The following IQGAP1 variants were observed in gnomAD, a reference collection of about 807,000 sequenced individuals.
The protein encoded by IQGAP1 is ras GTPase-activating-like protein IQGAP1.
A neutral mutation model predicts 215.6 loss-of-function variants in IQGAP1; 66 were observed. The ratio of observed to expected loss-of-function variants is 0.31; its 90% CI spans 0.25 to 0.38. IQGAP1 has a LOEUF of 0.38. Ranked by LOEUF, IQGAP1 falls within the 10% of genes least tolerant of loss-of-function variation. IQGAP1 has a pLI of 1.00. For missense variants in IQGAP1, 1,712 were observed against 1,997.1 expected, an observed-to-expected ratio of 0.86 and a Z score of 2.72; for synonymous variants, 772 against 728.7, an observed-to-expected ratio of 1.06 and a Z score of -0.96.
chr15:90,419,786 C>A (rs1412376931), intron 2 of IQGAP1, among the ~76,000 whole-genome samples: 2 of 152,036 alleles, frequency 1.3e-5, no homozygotes, highest in African/African-American at 4.8e-5. Context: ...TATTCTGAGG[C>A]TTTGTGGTTA....
At position 90,477,147 on chromosome 15, in the gene IQGAP1, C is replaced by T. The variant is rs200559292; in HGVS notation, c.3021C>T (p.Phe1007=). 343 of 1,614,000 alleles carry T rather than the reference C, an allele frequency of 2.1e-4. No individual in the cohort carries two copies. The highest frequency in any genetic ancestry group is 2.8e-4 in the Non-Finnish European group (328 of 1,179,904). Reference sequence around the variant, plus strand: ...CCAAGTTCATGGACTCTGTAATCTTCACACTCTACAACTACGCGTCCAACC... The same window carrying T: ...CCAAGTTCATGGACTCTGTAATCTTTACACTCTACAACTACGCGTCCAACC... ...KSTKFMDSVI[F]TLYNYASNQR... is the part of the protein sequence containing the mutation. Residue 1007 remains phenylalanine, a synonymous_variant, in exon 25 of 38, where the codon TTC becomes TTT. Transcript: ENST00000268182.
At chr15:90,491,267 C>G (rs1966199733) in intron 33 of IQGAP1, 66 bp from the exon 34 acceptor site, 2 of 1,323,174 alleles carry the variant, frequency 1.5e-6, no homozygotes, top group Non-Finnish European at 2.2e-6. Context: ...TGCAAATGTG[C>G]TATATAAATT....
chr15:90,421,850 G>C (rs149795606), intron 2 of IQGAP1, among the ~76,000 whole-genome samples: 1 of 152,072 alleles, frequency 6.6e-6, no homozygotes, highest in African/African-American at 2.4e-5. Context: ...TTGTAGAGAC[G>C]GGGTCTCACC....
At chr15:90,395,661 C>T (rs1229543470) in intron 2 of IQGAP1, among the ~76,000 whole-genome samples, 1 of 152,212 alleles carries the variant, frequency 6.6e-6, no homozygotes, top group Non-Finnish European at 1.5e-5. Context: ...TACCGTTTCA[C>T]TCAGTTGAAG....
At chr15:90,427,599 G>A (rs1363980483) in intron 3 of IQGAP1, among the ~76,000 whole-genome samples, 1 of 152,104 alleles carries the variant, frequency 6.6e-6, no homozygotes, top group Non-Finnish European at 1.5e-5. Flanking sequence ...AATTAGCCAG[G>A]CTTGGTGGCG....
At position 90,468,720 on chromosome 15, in the gene IQGAP1, A is replaced by C. The variant is rs1186279814; in HGVS notation, c.2178+1128A>C. Among the ~76,000 whole-genome samples, 4 of 152,154 alleles carry C rather than the reference A, an allele frequency of 2.6e-5. No homozygotes were observed. In the East Asian group the frequency reaches 7.7e-4, roughly 29 times the overall value. On this transcript the variant is annotated intron_variant, in intron 18 of 37. Coordinates refer to ENST00000268182, the MANE Select transcript of IQGAP1 (RefSeq NM_003870.4). ...GTGGTGTGTGTCTGTGATTCCAGCT[A>C]CTTGGGAGGATGAGGCAGAAGGATC...
intron 15 of IQGAP1, among the ~76,000 whole-genome samples, chr15:90,465,400 T>C (rs1421647019): frequency 2.6e-5 from 4 of 152,208 alleles, no homozygotes; most frequent in African/African-American, 9.6e-5. Context: ...CTTCCCAGTC[T>C]GTCTGGGCCT....
rs186288657 is a variant in IQGAP1 at position 90,422,676 on chromosome 15, A to G, written c.156-3434A>G. Among the ~76,000 whole-genome samples the G allele has an allele frequency of 5.3e-3, 670 of 126,092 alleles. 19 individuals carry two copies. Among genetic ancestry groups the G allele is most frequent in the African/African-American group, 0.022 (656 of 29,998 alleles). 82.7% of individuals were successfully genotyped at this position (126,092 alleles called of 152,430 possible). On this transcript the variant is annotated intron_variant, in intron 2 of 37. Transcript: ENST00000268182. ...TATATATATGTATATATATATATAT[A>G]TATAATTTTTGAGACAGAGTTTGTA...
intron 33 of IQGAP1, among the ~76,000 whole-genome samples, chr15:90,489,716 T>A (rs1383612505): frequency 6.6e-6 from 1 of 152,192 alleles, no homozygotes; most frequent in Non-Finnish European, 1.5e-5. Flanking sequence ...TATGACTGAT[T>A]ACTGATTAGA....
chr15:90,388,419 C>CG (rs1445316565), intron 1 of IQGAP1, 23 bp downstream of exon 1: 1 of 1,345,508 alleles, frequency 7.4e-7, no homozygotes, highest in East Asian at 5.1e-5. Flanking sequence ...CTCCGCGGCG[C>CG]GGGGGCTTCG....
intron 2 of IQGAP1, among the ~76,000 whole-genome samples, chr15:90,393,121 A>G (rs1964660239): frequency 6.9e-6 from 1 of 144,980 alleles, no homozygotes; most frequent in Non-Finnish European, 1.5e-5. Flanking sequence ...AAAAAAAAAA[A>G]TACACCTATC....
intron 13 of IQGAP1, 110 bp downstream of exon 13, chr15:90,453,402 T>A (rs1965635191): frequency 1.2e-6 from 1 of 814,586 alleles, no homozygotes; most frequent in African/African-American, 1.8e-5. Flanking sequence ...ATCATGGTCA[T>A]ACTTTTGTTT....
intron 37 of IQGAP1, 114 bp from the exon 38 acceptor site, chr15:90,499,881 A>G: frequency 4.4e-6 from 3 of 675,406 alleles, no homozygotes; most frequent in East Asian, 5.4e-5. Context: ...CTGGCACACA[A>G]GGCAGGCCTC....
intron 26 of IQGAP1, among the ~76,000 whole-genome samples, chr15:90,479,604 G>T (rs892285673): frequency 6.6e-6 from 1 of 151,724 alleles, no homozygotes; most frequent in Non-Finnish European, 1.5e-5. Context: ...AAATTAGCTG[G>T]GTGTGGTTGT....
At chr15:90,422,638 ATG>A (rs1567120929) in intron 2 of IQGAP1, among the ~76,000 whole-genome samples, 2,375 of 78,122 alleles carry the variant, frequency 0.03, 139 homozygotes, top group Middle Eastern at 0.054. Flanking sequence ...ATATATATAT[ATG>A]TATATGTATA....
intron 2 of IQGAP1, among the ~76,000 whole-genome samples, chr15:90,423,143 T>C (rs982705792): frequency 6.6e-6 from 1 of 152,182 alleles, no homozygotes; most frequent in Non-Finnish European, 1.5e-5. Flanking sequence ...GAAAGAAGTG[T>C]TTGTTGTGTC....
At chr15:90,489,362 A>G (rs967138840) in intron 33 of IQGAP1, among the ~76,000 whole-genome samples, 3 of 152,086 alleles carry the variant, frequency 2.0e-5, no homozygotes, top group Non-Finnish European at 2.9e-5. Flanking sequence ...TCTTGACCTC[A>G]AATGACCCAC....
rs771704265 is a variant in IQGAP1, at chr15:90,474,994, C to CTTTTTTTTTT, written c.2784+313_2784+322dup. The CTTTTTTTTTT allele has an allele frequency of 5.1e-5, 6 of 117,658 alleles. 1 individual carries two copies. The highest frequency in any genetic ancestry group is 1.5e-4 in the African/African-American group (4 of 25,810). 7.3% of individuals were successfully genotyped at this position (117,658 alleles called of 1,614,324 possible). ...CTGGCTAATGTTTTTTGATTTTTGGCTTTTTTTTTTTTTTTTTTTTTGCTG... is the reference window on the plus strand; with the variant it reads ...CTGGCTAATGTTTTTTGATTTTTGGCTTTTTTTTTTTTTTTTTTTTTTTTTTTTTTTGCTG... On this transcript the variant is annotated intron_variant, in intron 23 of 37. Transcript: ENST00000268182.
chr15:90,494,574 G>A (rs1271891427), intron 35 of IQGAP1, 139 bp from the exon 36 acceptor site: 1 of 574,206 alleles, frequency 1.7e-6, no homozygotes, highest in Non-Finnish European at 3.0e-6. Context: ...TCTAACATTT[G>A]TTTGCCATTT....
Sources: gnomAD v4.1 joint callset for allele counts (sites outside exome capture counted in the v4.1 genomes callset) on GRCh38, gnomAD v4.1.1 for gene constraint, MANE v1.5 for transcripts, NCBI Gene and HGNC (gene_info 2026-07-23, HGNC 2026-07-21) for gene names.